Variants in SELENOI observed in about 807,000 individuals in gnomAD.
The protein encoded by SELENOI is selenoprotein I.
SELENOI carries 24 observed loss-of-function variants against 50.7 expected under a neutral mutation model. The ratio of observed to expected loss-of-function variants is 0.47; its 90% CI spans 0.34 to 0.67. SELENOI has a LOEUF of 0.67. Ranked by LOEUF, SELENOI falls within the 30% of genes least tolerant of loss-of-function variation. SELENOI has a pLI of 0.01. For missense variants in SELENOI, 352 were observed against 461.4 expected (o/e 0.76, Z 2.17); for synonymous variants, 155 against 170.2 (o/e 0.91, Z 0.70).
chr2:26,367,103 T>C (rs1387096637), intron 3 of SELENOI, 43 bp from the exon 4 acceptor site: 13 of 1,523,518 alleles, frequency 8.5e-6, no homozygotes, highest in Non-Finnish European at 1.1e-5. Context: ...TAAGAACTAC[T>C]GTACTTAAAC....
chr2:26,373,482 C>T lies in SELENOI; in HGVS notation c.426C>T (p.Ser142=). 1.9e-6 allele frequency: 3 copies of T among 1,613,950 alleles called. No homozygotes were observed. Among genetic ancestry groups the T allele is most frequent in the Non-Finnish European group, 2.5e-6 (3 of 1,179,864 alleles). ...TTTACTTTGTTGTGACTGTTTATTC[C>T]ATCTTTGGAAGAGGATCAACTGGTG... is the stretch of plus-strand genomic sequence containing the variant. ...SCVYFVVTVY[S]IFGRGSTGVS... is the part of the protein sequence containing the mutation. The change falls in exon 5 of 10, where the codon TCC becomes TCT. Residue 142 remains serine (S), a synonymous_variant. Transcript: ENST00000260585.
rs753858982 is a variant in SELENOI, at chr2:26,375,139, A to G, written c.673A>G (p.Met225Val). 6 of 1,597,508 alleles carry G rather than the reference A, an allele frequency of 3.8e-6. No homozygotes were observed. The African/African-American group carries it at 5.4e-5, about 14-fold the overall frequency. ...CTTATATAGAGACCTATTCACTGCA[A>G]TGATTATTGGTAAGAAGCTCCATGT... ...NFLYRDLFTA[M>V]IIGCALCVTL... Residue 225 changes from methionine to valine, a missense_variant, in exon 6 of 10, where the codon ATG becomes GTG. Transcript: ENST00000260585.
rs536238825 is a variant in SELENOI at position 26,393,221 on chromosome 2, G to A, written c.*4118G>A. ...TTGTCTAACTTTTCCAGAGAAAGTG[G>A]TGATATGCTTCTTCCTTGCATGGAG... On this transcript the variant is annotated 3_prime_UTR_variant, in exon 10 of 10. Transcript: ENST00000260585. 52 of 152,774 alleles carry A rather than the reference G, an allele frequency of 3.4e-4. No individual in the cohort carries two copies. Among genetic ancestry groups the A allele is most frequent in the African/African-American group, 1.2e-3 (48 of 41,576 alleles). 9.5% of individuals were successfully genotyped at this position (152,774 alleles called of 1,614,324 possible). A position where few individuals can be genotyped will look rare whatever the true frequency, so the allele number is the denominator to read the frequency against.
At chr2:26,351,009 AATC>A (rs1676945134) in intron 1 of SELENOI, among the ~76,000 whole-genome samples, 1 of 152,034 alleles carries the variant, frequency 6.6e-6, no homozygotes, top group Non-Finnish European at 1.5e-5. Flanking sequence ...ACTTGAGCAA[AATC>A]ATCTGGCAGT....
intron 1 of SELENOI, among the ~76,000 whole-genome samples, chr2:26,354,305 T>C (rs1234274519): frequency 6.6e-6 from 1 of 152,146 alleles, no homozygotes; most frequent in Non-Finnish European, 1.5e-5. Context: ...GGAGTCCATG[T>C]TCTTCCTGCT....
In SELENOI at chr2:26,374,850, A is replaced by G. The variant is rs142410545; in HGVS notation, c.574-190A>G. Among the ~76,000 whole-genome samples, 266 of 152,314 alleles carry G rather than the reference A, an allele frequency of 1.7e-3. 3 individuals carry two copies. Among genetic ancestry groups the G allele is most frequent in the Non-Finnish European group, 4.6e-4 (31 of 68,022 alleles). ...CTCCCAGAGTGCTGGGATTACAGGC[A>G]TGAGCCCCCACGTCCAGCCAAAAGA... On this transcript the variant is annotated intron_variant, in intron 5 of 9. Coordinates refer to ENST00000260585, the MANE Select transcript of SELENOI (RefSeq NM_033505.4).
At chr2:26,386,577 T>C (rs1677848937) in intron 9 of SELENOI, 41 bp downstream of exon 9, 5 of 1,458,558 alleles carry the variant, frequency 3.4e-6, no homozygotes, top group Non-Finnish European at 2.7e-6. Context: ...TTGGGGCTTA[T>C]AAATGGCACC....
In SELENOI at chr2:26,360,223, G is replaced by C. The variant is rs374894997; in HGVS notation, c.58-4079G>C. On this transcript the variant is annotated intron_variant, in intron 1 of 9. Transcript: ENST00000260585. The stretch of plus-strand genomic sequence containing the variant: ...CTTCTTCTTGTGGGTTCTTAAGACA[G>C]TTTAGAGTTTGTTTATTGTGAGTGG... 1.8e-4 allele frequency among the ~76,000 whole-genome samples: 27 copies of C among 152,340 alleles called. No individual in the cohort carries two copies. The East Asian group carries it at 3.9e-3, about 22-fold the overall frequency.
At chr2:26,351,526 T>C (rs116548301) in intron 1 of SELENOI, among the ~76,000 whole-genome samples, 3 of 152,268 alleles carry the variant, frequency 2.0e-5, no homozygotes, top group African/African-American at 7.2e-5. Context: ...TACTACCAGG[T>C]TAAGAGGGGA....
intron 6 of SELENOI, among the ~76,000 whole-genome samples, chr2:26,380,861 C>A (rs1418284263): frequency 6.6e-6 from 1 of 152,038 alleles, no homozygotes; most frequent in Non-Finnish European, 1.5e-5. Flanking sequence ...TTTAATTTGC[C>A]TTTCTCTTAC....
chr2:26,388,429 A>G (rs2147964628), intron 9 of SELENOI, among the ~76,000 whole-genome samples: 1 of 152,308 alleles, frequency 6.6e-6, no homozygotes, highest in East Asian at 1.9e-4. Context: ...GTGTTCTTTT[A>G]CCACATCTAC....
intron 1 of SELENOI, among the ~76,000 whole-genome samples, chr2:26,362,387 C>G (rs1199731123): frequency 6.6e-6 from 1 of 152,114 alleles, no homozygotes; most frequent in African/African-American, 2.4e-5. Context: ...AAATTTTGAT[C>G]TTTAATTATG....
chr2:26,370,825 G>T (rs76149257), intron 4 of SELENOI, among the ~76,000 whole-genome samples: 3 of 135,382 alleles, frequency 2.2e-5, no homozygotes, highest in Non-Finnish European at 1.6e-5. Context: ...CTGGCCGGGC[G>T]GGGGGCTGAC....
rs773964921 is a variant in SELENOI, at chr2:26,362,481, C to A, written c.58-1821C>A. Among the ~76,000 whole-genome samples the A allele has an allele frequency of 2.0e-5, 3 of 152,206 alleles. No homozygotes were observed. The East Asian group carries it at 5.8e-4, about 29-fold the overall frequency. ...ACATAGAAAATATAAGCAAAGGTGG[C>A]CAGGTCTGGTGGCTCACGCCTGTAA... On this transcript the variant is annotated intron_variant, in intron 1 of 9. Transcript: ENST00000260585.
intron 7 of SELENOI, 71 bp downstream of exon 7, chr2:26,383,418 T>A: frequency 9.1e-7 from 1 of 1,104,834 alleles, no homozygotes; most frequent in Non-Finnish European, 1.3e-6. Flanking sequence ...AACTTAGGGA[T>A]CTATTTTCCT....
chr2:26,386,291 G>A (rs1677840358), intron 8 of SELENOI, 63 bp from the exon 9 acceptor site: 1 of 1,475,872 alleles, frequency 6.8e-7, no homozygotes, highest in Non-Finnish European at 9.2e-7. Context: ...GACTAGTTTT[G>A]GAAGTGCTTT....
At chr2:26,388,582 A>G (rs1677897132) in intron 9 of SELENOI, among the ~76,000 whole-genome samples, 1 of 152,186 alleles carries the variant, frequency 6.6e-6, no homozygotes, top group South Asian at 2.1e-4. Flanking sequence ...GAGATACCCT[A>G]ACTAATAAGG....
At position 26,389,469 on chromosome 2, in the gene SELENOI, C is replaced by T. The variant is rs1426428909; in HGVS notation, c.*366C>T. The T allele has an allele frequency of 6.0e-6, 1 of 166,612 alleles. No homozygotes were observed. Among genetic ancestry groups the T allele is most frequent in the Non-Finnish European group, 1.3e-5 (1 of 76,544 alleles). The allele number at this position is 166,612 out of a possible 1,614,324, so 10.3% of individuals were successfully genotyped here. ...CAGAACACTGATAACACTCAGAAAA[C>T]CACAGTGTGTTTTCATATTTGGAAC... is the stretch of plus-strand genomic sequence containing the variant. On this transcript the variant is annotated 3_prime_UTR_variant, in exon 10 of 10. Transcript: ENST00000260585.
In SELENOI at chr2:26,394,219, C is replaced by T. The variant is rs948734838; in HGVS notation, c.*5116C>T. The stretch of plus-strand genomic sequence containing the variant: ...CAACCTGAGCAACATGGCGAAACCC[C>T]GTCTGTAATAAAAATACAAAAAAAT... On this transcript the variant is annotated 3_prime_UTR_variant, in exon 10 of 10. Coordinates refer to ENST00000260585, the MANE Select transcript of SELENOI (RefSeq NM_033505.4). This position sits in a 1 kb window ranked among gnomAD's most constrained non-coding sequence, Gnocchi z 4.1. 1.3e-5 allele frequency: 2 copies of T among 152,020 alleles called. No individual in the cohort carries two copies. The highest frequency in any genetic ancestry group is 2.9e-5 in the Non-Finnish European group (2 of 68,020). 9.4% of individuals were successfully genotyped at this position (152,020 alleles called of 1,614,324 possible).
Sources: gnomAD v4.1 joint callset for allele counts (sites outside exome capture counted in the v4.1 genomes callset) on GRCh38, gnomAD v4.1.1 for gene constraint, Gnocchi (gnomAD v3.1) non-coding constraint, MANE v1.5 for transcripts, NCBI Gene and HGNC (gene_info 2026-07-23, HGNC 2026-07-21) for gene names.